EVI5: variants seen among roughly 807,000 people sequenced by gnomAD.
The protein encoded by EVI5 is ecotropic viral integration site 5.
A neutral mutation model predicts 112.0 loss-of-function variants in EVI5; 73 were observed. That is an observed-to-expected ratio of 0.65 (90% confidence interval 0.54 to 0.79). The LOEUF (loss-of-function observed/expected upper bound fraction) is 0.79, where lower values mean the gene tolerates loss of function less well. EVI5 is among the 30% of genes least tolerant of loss of function. The pLI is 0.00. For synonymous variants in EVI5, 305 were observed against 319.9 expected, an observed-to-expected ratio of 0.95 and a Z score of 0.50; for missense variants, 900 against 968.8, an observed-to-expected ratio of 0.93 and a Z score of 0.94.
chr1:92,703,598 G>T lies in EVI5; in HGVS notation c.361C>A (p.Pro121Thr). The T allele has an allele frequency of 6.3e-7, 1 of 1,578,308 alleles. No individual in the cohort carries two copies. Among genetic ancestry groups the T allele is most frequent in the South Asian group, 1.2e-5 (1 of 84,692 alleles). ...CAAACTATTGCTCTAAAGTGATGGGGTATCCCTTTATGAACAAGTTCCTAA... is the reference window on the plus strand; with the variant it reads ...CAAACTATTGCTCTAAAGTGATGGGTTATCCCTTTATGAACAAGTTCCTAA... Reference protein sequence around the residue: ...QVKELVHKGIPHHFRAIVWQL... With the variant: ...QVKELVHKGITHHFRAIVWQL... Residue 121 changes from proline (P) to threonine (T), a missense_variant, in exon 4 of 20, where the codon CCC (proline) becomes ACC (threonine). By Grantham distance (38) the Pro-to-Thr change is conservative. Coordinates refer to ENST00000684568, the MANE Select transcript of EVI5 (RefSeq NM_001350197.2).
intron 10 of EVI5, among the ~76,000 whole-genome samples, chr1:92,670,677 C>T (rs1665720599): frequency 6.6e-6 from 1 of 152,096 alleles, no homozygotes; most frequent in Non-Finnish European, 1.5e-5. Flanking sequence ...CTTCTTCTAT[C>T]CCCCTAGGTC....
chr1:92,632,120 G>A (rs538743767), intron 14 of EVI5, among the ~76,000 whole-genome samples: 1 of 152,284 alleles, frequency 6.6e-6, no homozygotes, highest in African/African-American at 2.4e-5. Flanking sequence ...ATGTTCATCA[G>A]GGATATTGGT....
intron 14 of EVI5, among the ~76,000 whole-genome samples, chr1:92,633,132 G>C (rs529236909): frequency 2.0e-5 from 3 of 152,148 alleles, no homozygotes; most frequent in Non-Finnish European, 4.4e-5. Flanking sequence ...GTGTGCTGCT[G>C]AAAGAATGTA....
chr1:92,520,942 A>C (rs1452244517), intron 19 of EVI5, among the ~76,000 whole-genome samples: 1 of 150,680 alleles, frequency 6.6e-6, no homozygotes, highest in African/African-American at 2.4e-5. Context: ...TGCAAAAAGC[A>C]CGTATGAGAT....
chr1:92,648,971 T>C (rs1661558222), intron 13 of EVI5, among the ~76,000 whole-genome samples: 1 of 152,204 alleles, frequency 6.6e-6, no homozygotes, highest in Non-Finnish European at 1.5e-5. Flanking sequence ...CAGCTTTATA[T>C]TTTATTTTAT....
intron 16 of EVI5, among the ~76,000 whole-genome samples, chr1:92,617,112 T>C (rs977686505): frequency 6.6e-6 from 1 of 152,198 alleles, no homozygotes; most frequent in African/African-American, 2.4e-5. Context: ...TTCTGCACGA[T>C]ATGCAGGCAC....
rs569713269 is a variant in EVI5, at chr1:92,739,064, G to A, written c.-81-2437C>T. The stretch of plus-strand genomic sequence containing the variant: ...ACGCAGGCAGATCACCCTGAGGTCA[G>A]GAGTTCGAGACCAGCTTGGCCAACA... On this transcript the variant is annotated intron_variant, in intron 1 of 19. Transcript: ENST00000684568. Among the ~76,000 whole-genome samples, 4 of 152,126 alleles carry A rather than the reference G, an allele frequency of 2.6e-5. 1 individual carries two copies. In the South Asian group the frequency reaches 8.3e-4, roughly 32 times the overall value.
chr1:92,777,462 T>G (rs1048737183), intron 1 of EVI5, among the ~76,000 whole-genome samples: 1 of 152,140 alleles, frequency 6.6e-6, no homozygotes, highest in Non-Finnish European at 1.5e-5. Flanking sequence ...CCGGATTATC[T>G]TCAAAATCAC....
At chr1:92,678,424 C>CA (rs1667088150) in intron 9 of EVI5, among the ~76,000 whole-genome samples, 2 of 151,896 alleles carry the variant, frequency 1.3e-5, no homozygotes, top group South Asian at 4.2e-4. Context: ...TGCAGGTACT[C>CA]AGAGGCTGAG....
chr1:92,769,649 G>A (rs1683105981), intron 1 of EVI5, among the ~76,000 whole-genome samples: 1 of 152,198 alleles, frequency 6.6e-6, no homozygotes. Context: ...ACTTTGGGAG[G>A]CCGAGGCAGG....
chr1:92,711,271 A>G (rs186177784), intron 2 of EVI5, among the ~76,000 whole-genome samples: 1 of 152,308 alleles, frequency 6.6e-6, no homozygotes, highest in Admixed American at 6.5e-5. Context: ...AGCAAGGTGA[A>G]CGCCACAAAC....
In EVI5 at chr1:92,677,727, G is replaced by C. The variant is rs1290204729; in HGVS notation, c.1098-509C>G. Among the ~76,000 whole-genome samples, 4 of 152,108 alleles carry C rather than the reference G, an allele frequency of 2.6e-5. No individual in the cohort carries two copies. The East Asian group carries it at 7.7e-4, about 29-fold the overall frequency. ...TCCTCAGTAATAACTACTGCGGGAGGAACCACTAATGGATGCTAAAATTAG... is the reference window on the plus strand; with the variant it reads ...TCCTCAGTAATAACTACTGCGGGAGCAACCACTAATGGATGCTAAAATTAG... On this transcript the variant is annotated intron_variant, in intron 9 of 19. Transcript: ENST00000684568.
At chr1:92,667,156 G>A (rs928920849) in intron 10 of EVI5, among the ~76,000 whole-genome samples, 10 of 152,114 alleles carry the variant, frequency 6.6e-5, no homozygotes, top group Non-Finnish European at 1.3e-4. Flanking sequence ...GTAGTGGCAT[G>A]TGCCTGTAGT....
chr1:92,683,485 C>G (rs2102374708), intron 9 of EVI5, among the ~76,000 whole-genome samples: 1 of 152,276 alleles, frequency 6.6e-6, no homozygotes, highest in East Asian at 1.9e-4. Context: ...TTCCAAAACA[C>G]AGAGCACCTC....
upstream of EVI5, among the ~76,000 whole-genome samples, chr1:92,785,638 G>C (rs953895540): frequency 6.6e-6 from 1 of 152,214 alleles, no homozygotes; most frequent in African/African-American, 2.4e-5. Context: ...GAATACGTAA[G>C]ATTCAGCCGG....
intron 9 of EVI5, among the ~76,000 whole-genome samples, chr1:92,684,002 C>T (rs893873397): frequency 2.0e-5 from 3 of 152,172 alleles, no homozygotes; most frequent in African/African-American, 4.8e-5. Flanking sequence ...AAAAGAACTT[C>T]CCTAACCTAG....
intron 14 of EVI5, among the ~76,000 whole-genome samples, chr1:92,628,404 G>C (rs2101817479): frequency 1.3e-5 from 2 of 152,286 alleles, no homozygotes; most frequent in South Asian, 4.1e-4. Flanking sequence ...CCTTGCCTAA[G>C]CAAACGTCTA....
chr1:92,677,898 C>T (rs556865587), intron 9 of EVI5, among the ~76,000 whole-genome samples: 1 of 152,176 alleles, frequency 6.6e-6, no homozygotes, highest in African/African-American at 2.4e-5. Flanking sequence ...GTAATACATA[C>T]TGACATCATG....
At chr1:92,708,087 A>C (rs1672285898) in intron 2 of EVI5, among the ~76,000 whole-genome samples, 1 of 152,210 alleles carries the variant, frequency 6.6e-6, no homozygotes, top group Non-Finnish European at 1.5e-5. Flanking sequence ...CATGACTTTG[A>C]GTTAGGTAAA....
Sources: allele counts gnomAD v4.1 joint callset (sites outside exome capture counted in the v4.1 genomes callset), GRCh38; gene constraint gnomAD v4.1.1; transcripts MANE v1.5; gene names NCBI Gene and HGNC (gene_info 2026-07-23, HGNC 2026-07-21).